MTMR2: variants seen among roughly 807,000 people sequenced by gnomAD.
MTMR2 encodes myotubularin related protein 2, also known as phosphatidylinositol-3,5-bisphosphate 3-phosphatase MTMR2.
Under a neutral mutation model 86.9 loss-of-function variants are expected in MTMR2, and 55 were observed. The observed-to-expected ratio is 0.63, with a 90% CI of 0.51 to 0.79. MTMR2 has a LOEUF of 0.79. Among genes scored for constraint, MTMR2 ranks in the 30% least tolerant of loss-of-function variants. MTMR2 has a pLI of 0.00. For missense variants in MTMR2, 659 were observed against 772.3 expected (o/e 0.85, Z 1.74); for synonymous variants, 241 against 266.8 (o/e 0.90, Z 0.94).
Position 95,836,140 on chromosome 11 carries a change from G to A in MTMR2, c.1770+8C>T, listed in dbSNP as rs1363053314. On this transcript the variant is annotated splice_region_variant and intron_variant, in intron 14 of 14. Transcript: ENST00000346299. ...GAAAACTCCCATTGTATATTGTAAG[G>A]CACATACCTGTGGTTTCATCCGTGG... 6.3e-7 allele frequency: 1 copy of A among 1,590,172 alleles called. No individual in the cohort carries two copies. Among genetic ancestry groups the A allele is most frequent in the South Asian group, 1.1e-5 (1 of 90,956 alleles).
intron 11 of MTMR2, among the ~76,000 whole-genome samples, chr11:95,843,953 A>G (rs1404762595): frequency 6.6e-6 from 1 of 152,156 alleles, no homozygotes; most frequent in Non-Finnish European, 1.5e-5. Context: ...TCCTGAAACC[A>G]AAAAGTTTGA....
At chr11:95,913,769 AAAG>A (rs1015461072) in intron 1 of MTMR2, among the ~76,000 whole-genome samples, 9 of 151,902 alleles carry the variant, frequency 5.9e-5, no homozygotes, top group African/African-American at 2.2e-4. Context: ...GGAAAAAAAG[AAAG>A]AATAGAGAAA....
At chr11:95,920,190 CTCTT>C (rs1228064882) in intron 1 of MTMR2, among the ~76,000 whole-genome samples, 1 of 152,230 alleles carries the variant, frequency 6.6e-6, no homozygotes, top group Non-Finnish European at 1.5e-5. Context: ...AACTCCCTCT[CTCTT>C]TCTGTGGGGA....
At chr11:95,899,677 A>C (rs1160815490) in intron 1 of MTMR2, among the ~76,000 whole-genome samples, 1 of 151,968 alleles carries the variant, frequency 6.6e-6, no homozygotes, top group Non-Finnish European at 1.5e-5. Flanking sequence ...GGAAAGGACT[A>C]AATATGACTG....
intron 3 of MTMR2, among the ~76,000 whole-genome samples, chr11:95,863,654 C>T (rs1456409983): frequency 6.6e-6 from 1 of 152,126 alleles, no homozygotes; most frequent in Non-Finnish European, 1.5e-5. Flanking sequence ...TTTTCTTACT[C>T]ATGTAAGAAA....
intron 2 of MTMR2, among the ~76,000 whole-genome samples, chr11:95,879,823 C>T (rs959380604): frequency 3.3e-5 from 5 of 152,064 alleles, no homozygotes; most frequent in African/African-American, 1.2e-4. Flanking sequence ...TCATTACAAA[C>T]TTCAGGATTA....
chr11:95,870,956 A>G (rs895940817), intron 2 of MTMR2, among the ~76,000 whole-genome samples: 1 of 150,778 alleles, frequency 6.6e-6, no homozygotes, highest in African/African-American at 2.4e-5. Context: ...CTCATTGTCC[A>G]ATTCCCACCT....
At position 95,924,100 on chromosome 11, in the gene MTMR2, C is replaced by G; in HGVS notation, c.-146G>C. On this transcript the variant is annotated 5_prime_UTR_variant, in exon 1 of 15. Coordinates refer to ENST00000346299, the MANE Select transcript of MTMR2 (RefSeq NM_016156.6). ...GAGACCGGAAGCGGCCATGTTCCCC[C>G]AGAGTGCACCGCGCCTGTAGGCTGC... 1 of 1,004,826 alleles carries G rather than the reference C, an allele frequency of 1.0e-6. No homozygotes were observed. The highest frequency in any genetic ancestry group is 1.5e-6 in the Non-Finnish European group (1 of 663,040). 62.2% of individuals were successfully genotyped at this position (1,004,826 alleles called of 1,614,324 possible).
At chr11:95,885,035 T>C (rs1330810336) in intron 2 of MTMR2, among the ~76,000 whole-genome samples, 1 of 152,062 alleles carries the variant, frequency 6.6e-6, no homozygotes, top group Non-Finnish European at 1.5e-5. Context: ...TCTTCCTAAG[T>C]TGTTAAAGAT....
chr11:95,869,832 A>AATATGAC (rs200015935), intron 2 of MTMR2, among the ~76,000 whole-genome samples: 2 of 147,240 alleles, frequency 1.4e-5, no homozygotes, highest in African/African-American at 5.5e-5. Flanking sequence ...ATTTATATGA[A>AATATGAC]ATTCTGCAAC....
intron 2 of MTMR2, among the ~76,000 whole-genome samples, chr11:95,866,986 A>ACATAAGAT: frequency 6.6e-6 from 1 of 152,234 alleles, no homozygotes; most frequent in South Asian, 2.1e-4. Context: ...TACTTATATC[A>ACATAAGAT]GTGTTAACAC....
rs1446885203 is a variant in MTMR2, at chr11:95,862,157, T to C, written c.358-55A>G. ...CTGAGCAATTAATACTGTCCAATTA[T>C]AGAGCTGATCAAAATCTTAATCAGA... is the stretch of plus-strand genomic sequence containing the variant. On this transcript the variant is annotated intron_variant, in intron 4 of 14. Coordinates refer to ENST00000346299, the MANE Select transcript of MTMR2 (RefSeq NM_016156.6). 5 of 1,544,190 alleles carry C rather than the reference T, an allele frequency of 3.2e-6. 1 individual carries two copies. The highest frequency in any genetic ancestry group is 4.5e-6 in the Non-Finnish European group (5 of 1,118,236).
At chr11:95,870,341 A>G (rs1864805303) in intron 2 of MTMR2, among the ~76,000 whole-genome samples, 1 of 152,130 alleles carries the variant, frequency 6.6e-6, no homozygotes, top group Non-Finnish European at 1.5e-5. Flanking sequence ...TTGACCAGTC[A>G]TGTAAAAAAA....
chr11:95,853,158 C>A (rs1190749710), intron 7 of MTMR2, among the ~76,000 whole-genome samples: 1 of 149,664 alleles, frequency 6.7e-6, no homozygotes, highest in East Asian at 1.9e-4. Flanking sequence ...ATTTTTTTCA[C>A]ATGCTGTACT....
In MTMR2 at chr11:95,861,898, T is replaced by A. The variant is rs1033679710; in HGVS notation, c.468+94A>T. ...AATAACATTTCTAATTGGAAATCCA[T>A]TTTATATTTTAGAAACCAATTTCAA... On this transcript the variant is annotated intron_variant, in intron 5 of 14. Coordinates refer to ENST00000346299, the MANE Select transcript of MTMR2 (RefSeq NM_016156.6). 6.3e-6 allele frequency: 6 copies of A among 956,268 alleles called. No homozygotes were observed. The Admixed American group carries it at 1.2e-4, about 19-fold the overall frequency. The allele number at this position is 956,268 out of a possible 1,614,324, so 59.2% of individuals were successfully genotyped here.
At chr11:95,917,567 C>T (rs564614619) in intron 1 of MTMR2, among the ~76,000 whole-genome samples, 1 of 152,214 alleles carries the variant, frequency 6.6e-6, no homozygotes, top group Admixed American at 6.5e-5. Context: ...CAAACTACTC[C>T]CCAGACTTAA....
At chr11:95,870,079 T>C (rs1864796496) in intron 2 of MTMR2, among the ~76,000 whole-genome samples, 1 of 152,234 alleles carries the variant, frequency 6.6e-6, no homozygotes, top group African/African-American at 2.4e-5. Flanking sequence ...TATATTTATT[T>C]GCATGCTGAC....
Position 95,834,848 on chromosome 11 carries a change from T to C in MTMR2, c.*442A>G, listed in dbSNP as rs1376839219. On this transcript the variant is annotated 3_prime_UTR_variant, in exon 15 of 15. Coordinates refer to ENST00000346299, the MANE Select transcript of MTMR2 (RefSeq NM_016156.6). ...GAATGGAGAAAGGGATATCAAATGA[T>C]TTTGATCTGTCATGACATCAAGGCC... The C allele has an allele frequency of 5.7e-6, 1 of 175,000 alleles. No individual in the cohort carries two copies. Among genetic ancestry groups the C allele is most frequent in the Non-Finnish European group, 1.2e-5 (1 of 80,238 alleles). The allele number at this position is 175,000 out of a possible 1,614,324, so 10.8% of individuals were successfully genotyped here.
chr11:95,895,629 T>A (rs1865854639), intron 1 of MTMR2, among the ~76,000 whole-genome samples: 1 of 152,078 alleles, frequency 6.6e-6, no homozygotes, highest in Non-Finnish European at 1.5e-5. Context: ...TGTGGAATAA[T>A]CAGAACACTC....
Sources: allele counts gnomAD v4.1 joint callset (sites outside exome capture counted in the v4.1 genomes callset), GRCh38; gene constraint gnomAD v4.1.1; transcripts MANE v1.5; gene names NCBI Gene and HGNC (gene_info 2026-07-23, HGNC 2026-07-21).